The following SERPINB7 variants were observed in gnomAD, a reference collection of about 807,000 sequenced individuals.
The protein encoded by SERPINB7 is serpin B7.
SERPINB7 carries 31 observed loss-of-function variants against 37.4 expected under a neutral mutation model. That is an observed-to-expected ratio of 0.83 (90% CI 0.62 to 1.12). The LOEUF (loss-of-function observed/expected upper bound fraction) is 1.12. Ranked by LOEUF, SERPINB7 falls within the 50% of genes most tolerant of loss-of-function variation. The probability of loss-of-function intolerance (pLI) is 0.00; values close to 1 mark genes in which losing one functional copy is unlikely to be tolerated. For missense variants in SERPINB7, 521 were observed against 455.3 expected (o/e 1.14, Z -1.31); for synonymous variants, 163 against 166.1 (o/e 0.98, Z 0.14).
intron 5 of SERPINB7, among the ~76,000 whole-genome samples, chr18:63,796,770 C>T (rs1165523241): frequency 6.6e-6 from 1 of 152,100 alleles, no homozygotes; most frequent in Non-Finnish European, 1.5e-5. Flanking sequence ...TCAATGACCA[C>T]ATTATTATTT....
At chr18:63,780,291 T>C (rs1234508810) in intron 1 of SERPINB7, among the ~76,000 whole-genome samples, 1 of 152,198 alleles carries the variant, frequency 6.6e-6, no homozygotes, top group Admixed American at 6.5e-5. Flanking sequence ...ATTAATGAAA[T>C]TCTTATGAAT....
intron 1 of SERPINB7, among the ~76,000 whole-genome samples, chr18:63,780,373 T>A (rs2049289697): frequency 6.6e-6 from 1 of 152,196 alleles, no homozygotes; most frequent in South Asian, 2.1e-4. Context: ...TTGATCTTAT[T>A]TTTTCATATT....
At chr18:63,753,387 C>A (rs1359406092) in intron 1 of SERPINB7, among the ~76,000 whole-genome samples, 1 of 151,848 alleles carries the variant, frequency 6.6e-6, no homozygotes, top group Non-Finnish European at 1.5e-5. Flanking sequence ...TAACATTGGC[C>A]AACATATTTA....
At chr18:63,770,706 A>C (rs61303524), upstream of SERPINB7, among the ~76,000 whole-genome samples, 3,461 of 152,098 alleles carry the variant, frequency 0.023, 54 homozygotes, top group African/African-American at 0.039. Flanking sequence ...CTGATATTTT[A>C]TTTGTGACTT....
upstream of SERPINB7, among the ~76,000 whole-genome samples, chr18:63,771,329 GT>G (rs2049209918): frequency 6.6e-6 from 1 of 152,050 alleles, no homozygotes; most frequent in Non-Finnish European, 1.5e-5. Context: ...TGGGATTTGT[GT>G]TTTCTTTGAA....
intron 1 of SERPINB7, among the ~76,000 whole-genome samples, chr18:63,776,685 G>A (rs1490813020): frequency 6.6e-6 from 1 of 150,480 alleles, no homozygotes; most frequent in East Asian, 1.9e-4. Flanking sequence ...AAGGGAAGAA[G>A]TGGGTCCCAA....
rs2049587689 is a variant in SERPINB7, at chr18:63,804,562, C to T, written c.1070C>T (p.Ala357Val). Residue 357 changes from alanine to valine, a missense_variant, in exon 8 of 8, where the codon GCT (alanine) becomes GTT (valine). Ala to Val is a moderately conservative substitution (Grantham distance 64). Transcript: ENST00000398019. ...KQLPQSTLFRADHPFLFVIRK... is the reference protein window; with the variant it reads ...KQLPQSTLFRVDHPFLFVIRK... ...CTCCCTCAGTCCACGCTGTTTAGAG[C>T]TGACCACCCATTCCTATTTGTTATC... The T allele has an allele frequency of 1.2e-6, 2 of 1,613,644 alleles. No individual in the cohort carries two copies. Among genetic ancestry groups the T allele is most frequent in the Admixed American group, 1.7e-5 (1 of 59,906 alleles).
In SERPINB7 at chr18:63,793,042, T is replaced by C. The variant is rs1347206436; in HGVS notation, c.220-119T>C. 6 of 480,132 alleles carry C rather than the reference T, an allele frequency of 1.2e-5. No homozygotes were observed. In the East Asian group the frequency reaches 2.0e-4, roughly 16 times the overall value. 29.7% of individuals were successfully genotyped at this position (480,132 alleles called of 1,614,324 possible). A position where few individuals can be genotyped will look rare whatever the true frequency, so the allele number is the denominator to read the frequency against. On this transcript the variant is annotated intron_variant, in intron 3 of 7. Transcript: ENST00000398019. Reference sequence around the variant, plus strand: ...TGTATGTGGCCTTGTTTGCCATTTTTATAGTATTTAAAAAAATTCTTTTAT... The same window carrying C: ...TGTATGTGGCCTTGTTTGCCATTTTCATAGTATTTAAAAAAATTCTTTTAT...
At chr18:63,783,236 A>AG (rs2049328748) in intron 2 of SERPINB7, among the ~76,000 whole-genome samples, 32 of 61,868 alleles carry the variant, frequency 5.2e-4, no homozygotes, top group Non-Finnish European at 9.4e-4. Flanking sequence ...GAGAGAGAGA[A>AG]AGAAAGAAAG....
At chr18:63,758,326 TC>T (rs1398003658) in intron 1 of SERPINB7, among the ~76,000 whole-genome samples, 7 of 152,308 alleles carry the variant, frequency 4.6e-5, no homozygotes, top group African/African-American at 1.7e-4. Context: ...GATATCTTTT[TC>T]CTCAGATGCT....
In SERPINB7 at chr18:63,800,865, G is replaced by A. The variant is rs1301437170; in HGVS notation, c.598-1G>A. 1 of 1,612,242 alleles carries A rather than the reference G, an allele frequency of 6.2e-7. No homozygotes were observed. Among genetic ancestry groups the A allele is most frequent in the African/African-American group, 1.3e-5 (1 of 74,842 alleles). On this transcript the variant is annotated splice_acceptor_variant, in intron 6 of 7. Coordinates refer to ENST00000398019, the MANE Select transcript of SERPINB7 (RefSeq NM_003784.4). LOFTEE classifies it high-confidence loss of function. The stretch of plus-strand genomic sequence containing the variant: ...ATAATTTTTTGTGACTTGACTTTCA[G>A]TGCTCTGGGAAGGCAGTCGCCATGA...
chr18:63,794,287 T>G (rs1033158248), intron 4 of SERPINB7, among the ~76,000 whole-genome samples: 2 of 151,736 alleles, frequency 1.3e-5, no homozygotes, highest in African/African-American at 4.8e-5. Context: ...TGGTAGAGAA[T>G]AGCAACATCT....
intron 1 of SERPINB7, among the ~76,000 whole-genome samples, chr18:63,761,154 A>T (rs1404343681): frequency 6.6e-6 from 1 of 152,184 alleles, no homozygotes; most frequent in Non-Finnish European, 1.5e-5. Context: ...GCTGTCCAAG[A>T]CCATGGAAAC....
chr18:63,791,124 A>G (rs2049422515), intron 2 of SERPINB7, among the ~76,000 whole-genome samples: 1 of 152,068 alleles, frequency 6.6e-6, no homozygotes, highest in Admixed American at 6.6e-5. Flanking sequence ...TACATCATAA[A>G]CCAGGGCCTG....
At chr18:63,801,327 T>C (rs1464563598) in intron 7 of SERPINB7, among the ~76,000 whole-genome samples, 2 of 152,176 alleles carry the variant, frequency 1.3e-5, no homozygotes, top group Non-Finnish European at 2.9e-5. Flanking sequence ...GAATACAGTC[T>C]TCTACGTGTC....
rs1188543630 is a variant in SERPINB7, at chr18:63,796,276, A to C, written c.347A>C (p.Glu116Ala). The change falls in exon 5 of 8, where the codon GAG becomes GCG. Residue 116 changes from glutamate to alanine, a missense_variant. Physicochemically the swap from Glu to Ala is moderately radical, Grantham distance 107 (BLOSUM62 -1). Transcript: ENST00000398019. ...KVYGFHKDYI[E>A]CAEKLYDAKV... ...TATTCTTCTTTATAGGACTACATTGAGTGTGCCGAAAAATTATACGATGCC... is the reference window on the plus strand; with the variant it reads ...TATTCTTCTTTATAGGACTACATTGCGTGTGCCGAAAAATTATACGATGCC... 6.3e-7 allele frequency: 1 copy of C among 1,599,972 alleles called. No homozygotes were observed. The highest frequency in any genetic ancestry group is 1.7e-5 in the Admixed American group (1 of 59,962).
In SERPINB7 at chr18:63,798,900, G is replaced by A. The variant is rs186094042; in HGVS notation, c.597+154G>A. ...ATCATATGGTCAGTTGCTTTATAAA[G>A]CAAACTTTCTATTTTCCCTGTCATG... On this transcript the variant is annotated intron_variant, in intron 6 of 7. Transcript: ENST00000398019. Among the ~76,000 whole-genome samples, 14 of 152,224 alleles carry A rather than the reference G, an allele frequency of 9.2e-5. No individual in the cohort carries two copies. The East Asian group carries it at 2.1e-3, about 23-fold the overall frequency.
rs369931622 is a variant in SERPINB7, at chr18:63,804,475, A to G, written c.983A>G (p.Glu328Gly). Residue 328 changes from glutamate to glycine, a missense_variant, in exon 8 of 8, where the codon GAG becomes GGG. Coordinates refer to ENST00000398019, the MANE Select transcript of SERPINB7 (RefSeq NM_003784.4). ...AGGATGATGCACAAATCTTACATAGAGGTCACTGAGGAGGGCACCGAGGCT... is the reference window on the plus strand; with the variant it reads ...AGGATGATGCACAAATCTTACATAGGGGTCACTGAGGAGGGCACCGAGGCT... Reference protein sequence around the residue: ...ISRMMHKSYIEVTEEGTEATA... With the variant: ...ISRMMHKSYIGVTEEGTEATA... 6.2e-6 allele frequency: 10 copies of G among 1,613,654 alleles called. No homozygotes were observed. Among genetic ancestry groups the G allele is most frequent in the Non-Finnish European group, 8.5e-6 (10 of 1,179,882 alleles).
At chr18:63,760,329 G>T (rs2049146306) in intron 1 of SERPINB7, among the ~76,000 whole-genome samples, 1 of 152,190 alleles carries the variant, frequency 6.6e-6, no homozygotes, top group Non-Finnish European at 1.5e-5. Context: ...TCTGGTGGAA[G>T]AAATTTCTAA....
Sources: allele counts gnomAD v4.1 joint callset (sites outside exome capture counted in the v4.1 genomes callset), GRCh38; gene constraint gnomAD v4.1.1; transcripts MANE v1.5; gene names NCBI Gene and HGNC (gene_info 2026-07-23, HGNC 2026-07-21).